ATIC: variants seen among roughly 807,000 people sequenced by gnomAD.
The protein encoded by ATIC is 5-aminoimidazole-4-carboxamide ribonucleotide formyltransferase/IMP cyclohydrolase.
ATIC carries 64 observed loss-of-function variants against 72.5 expected under a neutral mutation model. The ratio of observed to expected loss-of-function variants is 0.88; its 90% CI spans 0.72 to 1.09. ATIC has a LOEUF of 1.09. Among genes scored for constraint, ATIC ranks in the 50% least tolerant of loss-of-function variants. ATIC has a pLI of 0.00. For missense variants in ATIC, 787 were observed against 732.4 expected, an observed-to-expected ratio of 1.07 and a Z score of -0.86; for synonymous variants, 281 against 267.1, an observed-to-expected ratio of 1.05 and a Z score of -0.51.
In ATIC at chr2:215,342,501, T is replaced by G. The variant is rs528237708; in HGVS notation, c.1228-2278T>G. 2.5e-4 allele frequency among the ~76,000 whole-genome samples: 38 copies of G among 152,300 alleles called. 2 individuals are homozygous for G. In the South Asian group the frequency reaches 7.9e-3, roughly 32 times the overall value. On this transcript the variant is annotated intron_variant, in intron 12 of 15. Transcript: ENST00000236959. ...CCATGCCATTGACATTGATAACAGT[T>G]GAAGACACAGGGCATTTCCAACACT...
chr2:215,349,323 A>C (rs756350932), intron 15 of ATIC, 74 bp downstream of exon 15: 2 of 1,606,620 alleles, frequency 1.2e-6, no homozygotes, highest in East Asian at 4.5e-5. Flanking sequence ...CCTGCTTTTG[A>C]TTTTTAAAAG....
chr2:215,339,285 C>G (rs886858820), intron 12 of ATIC, among the ~76,000 whole-genome samples: 3 of 152,134 alleles, frequency 2.0e-5, no homozygotes, highest in Non-Finnish European at 4.4e-5. Context: ...TTTGGTAGGC[C>G]AAGGGGCAGC....
At chr2:215,362,318 C>T in the ATIC span, 1 of 518,898 alleles carries the variant, frequency 1.9e-6, no homozygotes, top group Non-Finnish European at 3.5e-6. Context: ...CCTGAAATGT[C>T]TCTTCTCTTC....
the ATIC span, among the ~76,000 whole-genome samples, chr2:215,363,860 G>A: frequency 6.6e-6 from 1 of 152,184 alleles, no homozygotes; most frequent in East Asian, 1.9e-4. Flanking sequence ...TGGTTGAGAA[G>A]TACTGGCTTA....
At chr2:215,360,960 C>T in the ATIC span, 1 of 154,108 alleles carries the variant, frequency 6.5e-6, no homozygotes, top group South Asian at 2.0e-4. Flanking sequence ...ATAATTATAC[C>T]AAATTCCTCT....
intron 12 of ATIC, among the ~76,000 whole-genome samples, chr2:215,342,611 G>A (rs1361596108): frequency 6.6e-6 from 1 of 152,110 alleles, no homozygotes; most frequent in Non-Finnish European, 1.5e-5. Flanking sequence ...CCACAAATCT[G>A]TTTTTCCTTT....
At chr2:215,337,188 A>C (rs973308038) in intron 11 of ATIC, among the ~76,000 whole-genome samples, 10 of 152,034 alleles carry the variant, frequency 6.6e-5, no homozygotes, top group Admixed American at 3.9e-4. Flanking sequence ...ATTTCAATTT[A>C]AAGTAAAAAT....
At chr2:215,319,200 AT>A (rs1035332220) in intron 3 of ATIC, among the ~76,000 whole-genome samples, 5 of 152,164 alleles carry the variant, frequency 3.3e-5, no homozygotes, top group African/African-American at 4.8e-5. Flanking sequence ...GTTAATCCTA[AT>A]TTTTTTGTTT....
At chr2:215,333,291 G>C in intron 8 of ATIC, 59 bp from the exon 9 acceptor site, 1 of 1,409,098 alleles carries the variant, frequency 7.1e-7, no homozygotes, top group Non-Finnish European at 1.0e-6. Context: ...CTTGATTTAG[G>C]AGTTGACAGG....
At chr2:215,365,818 T>A in the ATIC span, 18 of 286,478 alleles carry the variant, frequency 6.3e-5, no homozygotes, top group Non-Finnish European at 8.1e-5. Flanking sequence ...TTTTTTTTTT[T>A]TTTTTGAGAC....
intron 1 of ATIC, 100 bp downstream of exon 1, chr2:215,312,261 C>T (rs958749283): frequency 2.1e-6 from 3 of 1,452,568 alleles, no homozygotes; most frequent in South Asian, 1.4e-5. Flanking sequence ...GCAGGGGCGG[C>T]GCTGCGGGAT....
intron 11 of ATIC, among the ~76,000 whole-genome samples, chr2:215,337,943 C>G (rs2052974872): frequency 6.6e-6 from 1 of 152,202 alleles, no homozygotes; most frequent in South Asian, 2.1e-4. Context: ...TGATAAGTTT[C>G]TCCTAGCATC....
At chr2:215,365,024 GAAC>G in the ATIC span, 1 of 1,299,370 alleles carries the variant, frequency 7.7e-7, no homozygotes, top group Non-Finnish European at 1.1e-6. Flanking sequence ...CATAAGCTGA[GAAC>G]AATACTGCAG....
chr2:215,367,286 G>A, the ATIC span, among the ~76,000 whole-genome samples: 1 of 152,180 alleles, frequency 6.6e-6, no homozygotes, highest in South Asian at 2.1e-4. Flanking sequence ...ATTAGAATTT[G>A]AAAATCAAAC....
downstream of ATIC, among the ~76,000 whole-genome samples, chr2:215,352,723 AT>A (rs35325453): frequency 0.26 from 39,401 of 150,980 alleles, 6,012 homozygotes; most frequent in South Asian, 0.47. Flanking sequence ...CCAATGGCTA[AT>A]TTTTTTTTTC....
the ATIC span, chr2:215,365,404 A>G: frequency 7.2e-5 from 92 of 1,282,018 alleles, no homozygotes; most frequent in African/African-American, 1.2e-3. Context: ...CTCCTCAAGG[A>G]GACCTAAAGT....
chr2:215,312,098 C>G lies in ATIC; in HGVS notation c.-45C>G. The G allele has an allele frequency of 6.7e-7, 1 of 1,492,594 alleles. No homozygotes were observed. Among genetic ancestry groups the G allele is most frequent in the Non-Finnish European group, 9.0e-7 (1 of 1,114,842 alleles). 92.5% of individuals were successfully genotyped at this position (1,492,594 alleles called of 1,614,324 possible). A position where few individuals can be genotyped will look rare whatever the true frequency, so the allele number is the denominator to read the frequency against. On this transcript the variant is annotated 5_prime_UTR_variant, in exon 1 of 16. Coordinates refer to ENST00000236959, the MANE Select transcript of ATIC (RefSeq NM_004044.7). ...GCCCTCCTACCTGCGCACGTGGTGCCGCCGCTGCTGCCTCCCGCTCGCCCT... is the reference window on the plus strand; with the variant it reads ...GCCCTCCTACCTGCGCACGTGGTGCGGCCGCTGCTGCCTCCCGCTCGCCCT...
intron 7 of ATIC, among the ~76,000 whole-genome samples, chr2:215,329,046 C>T (rs2052861664): frequency 6.6e-6 from 1 of 152,184 alleles, no homozygotes; most frequent in Non-Finnish European, 1.5e-5. Flanking sequence ...GCAGAAGCTG[C>T]ATCTGTTTTT....
chr2:215,364,648 C>A, the ATIC span: 89 of 586,952 alleles, frequency 1.5e-4, 1 homozygote, highest in East Asian at 2.3e-3. Context: ...TGGTACTCTA[C>A]ATGCCATTCA....
Sources: allele counts gnomAD v4.1 joint callset (sites outside exome capture counted in the v4.1 genomes callset), GRCh38; gene constraint gnomAD v4.1.1; transcripts MANE v1.5; gene names NCBI Gene and HGNC (gene_info 2026-07-23, HGNC 2026-07-21).